STX8: variants seen among roughly 807,000 people sequenced by gnomAD.
STX8 encodes syntaxin-8.
In STX8, 23 loss-of-function variants were observed where a neutral mutation model predicts 37.5. The ratio of observed to expected loss-of-function variants is 0.61; its 90% CI spans 0.44 to 0.87. STX8 has a LOEUF of 0.87. STX8 is among the 40% of genes least tolerant of loss of function. The pLI is 0.00. For synonymous variants in STX8, 115 were observed against 99.1 expected, an observed-to-expected ratio of 1.16 and a Z score of -0.95; for missense variants, 313 against 284.7, an observed-to-expected ratio of 1.10 and a Z score of -0.71.
At chr17:9,515,246 T>A (rs755791252) in intron 4 of STX8, among the ~76,000 whole-genome samples, 4 of 152,188 alleles carry the variant, frequency 2.6e-5, no homozygotes, top group Non-Finnish European at 4.4e-5. Context: ...CACTAAAAAA[T>A]TTTAAATAAA....
intron 6 of STX8, among the ~76,000 whole-genome samples, chr17:9,412,427 G>A (rs1355295731): frequency 1.3e-5 from 2 of 152,024 alleles, no homozygotes; most frequent in African/African-American, 4.8e-5. Context: ...TTACAGGCAT[G>A]CACCACCACA....
At position 9,441,618 on chromosome 17, in the gene STX8, C is replaced by T. The variant is rs1416774659; in HGVS notation, c.541+50211G>A. ...CCTTCCTGTAAATAATGGGGCTCCCCAAGGCGCTGCCCTAAGACGCTGAGC... is the reference window on the plus strand; with the variant it reads ...CCTTCCTGTAAATAATGGGGCTCCCTAAGGCGCTGCCCTAAGACGCTGAGC... On this transcript the variant is annotated intron_variant, in intron 6 of 7. Coordinates refer to ENST00000306357, the MANE Select transcript of STX8 (RefSeq NM_004853.3). Among the ~76,000 whole-genome samples the T allele has an allele frequency of 1.3e-5, 2 of 151,982 alleles. 1 individual carries two copies. Among genetic ancestry groups the T allele is most frequent in the African/African-American group, 4.8e-5 (2 of 41,458 alleles).
At chr17:9,525,912 G>T (rs1421586668) in intron 4 of STX8, among the ~76,000 whole-genome samples, 2 of 152,286 alleles carry the variant, frequency 1.3e-5, no homozygotes, top group East Asian at 3.9e-4. Flanking sequence ...AGGAATCATG[G>T]TTACCTTCAT....
chr17:9,413,304 C>T (rs966007686), intron 6 of STX8, among the ~76,000 whole-genome samples: 1 of 152,202 alleles, frequency 6.6e-6, no homozygotes, highest in Non-Finnish European at 1.5e-5. Context: ...GGCAGTTCAA[C>T]ACCCCTACTC....
At chr17:9,530,572 G>C (rs916267608) in intron 4 of STX8, among the ~76,000 whole-genome samples, 2 of 152,180 alleles carry the variant, frequency 1.3e-5, no homozygotes, top group African/African-American at 4.8e-5. Flanking sequence ...TTGATGACTA[G>C]TGAAGTTGAA....
chr17:9,452,300 T>C (rs971744934), intron 6 of STX8: 6 of 151,818 alleles, frequency 4.0e-5, no homozygotes, highest in African/African-American at 7.3e-5. Context: ...AGAAAGAAAA[T>C]TGACATCGGA....
chr17:9,418,919 TTTC>T (rs1238916064), intron 6 of STX8, among the ~76,000 whole-genome samples: 118 of 144,088 alleles, frequency 8.2e-4, no homozygotes, highest in Non-Finnish European at 1.6e-3. Context: ...CCTCTTTTTT[TTTC>T]TTTTTTTTTT....
intron 4 of STX8, among the ~76,000 whole-genome samples, chr17:9,536,423 G>GT (rs1160036121): frequency 1.3e-5 from 2 of 152,126 alleles, no homozygotes; most frequent in Non-Finnish European, 2.9e-5. Context: ...TTCACGGGAT[G>GT]TTTTTCCCTA....
intron 6 of STX8, among the ~76,000 whole-genome samples, chr17:9,383,243 A>G (rs11870412): frequency 0.027 from 4,103 of 152,316 alleles, 193 homozygotes; most frequent in African/African-American, 0.093. Flanking sequence ...GAATAGAACA[A>G]GACAACAACC....
chr17:9,329,029 G>A (rs975689147), intron 7 of STX8, among the ~76,000 whole-genome samples: 10 of 109,760 alleles, frequency 9.1e-5, no homozygotes, highest in African/African-American at 2.8e-4. Flanking sequence ...GAGCATGGGC[G>A]ACAAGAGCGA....
intron 5 of STX8, among the ~76,000 whole-genome samples, chr17:9,493,034 A>T (rs1005322361): frequency 1.3e-5 from 2 of 151,412 alleles, no homozygotes; most frequent in African/African-American, 4.9e-5. Flanking sequence ...GGAAGCGGAG[A>T]TTGCAGTGAG....
rs1327889856 is a variant in STX8, at chr17:9,400,622, C to A, written c.542-21969G>T. On this transcript the variant is annotated intron_variant, in intron 6 of 7. Coordinates refer to ENST00000306357, the MANE Select transcript of STX8 (RefSeq NM_004853.3). Reference sequence around the variant, plus strand: ...GTTTCACCATGTTGGTCAGGCTGGTCTCAAACTTCCAACTTCAGGTGATCC... The same window carrying A: ...GTTTCACCATGTTGGTCAGGCTGGTATCAAACTTCCAACTTCAGGTGATCC... Among the ~76,000 whole-genome samples the A allele has an allele frequency of 2.6e-5, 4 of 151,944 alleles. No homozygotes were observed. In the East Asian group the frequency reaches 7.8e-4, roughly 30 times the overall value.
chr17:9,268,446 C>G (rs1907310531), intron 7 of STX8, among the ~76,000 whole-genome samples: 1 of 152,286 alleles, frequency 6.6e-6, no homozygotes, highest in East Asian at 1.9e-4. Context: ...ACCCCGAGCA[C>G]ATGGTATGCA....
At chr17:9,319,417 T>TCAAAAA (rs924635926) in intron 7 of STX8, among the ~76,000 whole-genome samples, 13 of 151,942 alleles carry the variant, frequency 8.6e-5, no homozygotes, top group South Asian at 4.2e-4. Context: ...AGACTCTGTC[T>TCAAAAA]CAAAAACAAA....
At chr17:9,314,119 AT>A (rs566471186) in intron 7 of STX8, among the ~76,000 whole-genome samples, 1 of 152,122 alleles carries the variant, frequency 6.6e-6, no homozygotes, top group Non-Finnish European at 1.5e-5. Flanking sequence ...TGACTTCTGT[AT>A]TTTTTTCCCA....
chr17:9,467,800 G>T (rs1039024217), intron 6 of STX8, among the ~76,000 whole-genome samples: 5 of 152,196 alleles, frequency 3.3e-5, no homozygotes, highest in Non-Finnish European at 5.9e-5. Flanking sequence ...GACCCTCCCA[G>T]TTGTTCCAGG....
At chr17:9,309,490 G>C (rs900228869) in intron 7 of STX8, among the ~76,000 whole-genome samples, 2 of 152,078 alleles carry the variant, frequency 1.3e-5, no homozygotes, top group African/African-American at 4.8e-5. Flanking sequence ...GTAGATTATT[G>C]GGGAAAAAGT....
chr17:9,276,479 A>T (rs1193012009), intron 7 of STX8, among the ~76,000 whole-genome samples: 1 of 152,164 alleles, frequency 6.6e-6, no homozygotes, highest in Non-Finnish European at 1.5e-5. Context: ...TACATTTCTA[A>T]TTGTAAAATT....
intron 4 of STX8, among the ~76,000 whole-genome samples, chr17:9,535,253 T>C (rs1245863546): frequency 6.6e-6 from 1 of 151,882 alleles, no homozygotes. Context: ...TATATGTTAG[T>C]CTGGAGTAGG....
Sources: gnomAD v4.1 joint callset for allele counts (sites outside exome capture counted in the v4.1 genomes callset) on GRCh38, gnomAD v4.1.1 for gene constraint, MANE v1.5 for transcripts, NCBI Gene and HGNC (gene_info 2026-07-23, HGNC 2026-07-21) for gene names.